Variants in FHIP1A observed in about 807,000 individuals in gnomAD.
FHIP1A encodes the protein FHF complex subunit HOOK-interacting protein 1A.
Under a neutral mutation model 88.6 loss-of-function variants are expected in FHIP1A, and 61 were observed. The ratio of observed to expected loss-of-function variants is 0.69; its 90% CI spans 0.56 to 0.85. The LOEUF (loss-of-function observed/expected upper bound fraction) is 0.85. Among genes scored for constraint, FHIP1A ranks in the 40% least tolerant of loss-of-function variants. FHIP1A has a pLI of 0.00. For missense variants in FHIP1A, 1,154 were observed against 1,273.5 expected, an observed-to-expected ratio of 0.91 and a Z score of 1.43; for synonymous variants, 478 against 496.0, an observed-to-expected ratio of 0.96 and a Z score of 0.48.
At chr4:151,412,894 G>T (rs1057330299) in intron 1 of FHIP1A, among the ~76,000 whole-genome samples, 20 of 151,698 alleles carry the variant, frequency 1.3e-4, no homozygotes, top group African/African-American at 4.6e-4. Flanking sequence ...ATGTTGGTCA[G>T]GCTGGTCTCG....
intron 3 of FHIP1A, among the ~76,000 whole-genome samples, chr4:151,494,597 G>T (rs1730394771): frequency 6.6e-6 from 1 of 152,078 alleles, no homozygotes; most frequent in Non-Finnish European, 1.5e-5. Flanking sequence ...TTTAAAGTCT[G>T]GTAACATGAT....
At chr4:151,455,259 A>G (rs1218047756) in intron 2 of FHIP1A, among the ~76,000 whole-genome samples, 1 of 152,242 alleles carries the variant, frequency 6.6e-6, no homozygotes, top group Non-Finnish European at 1.5e-5. Flanking sequence ...GCCAAAGAAT[A>G]TAAAGATGTT....
At chr4:151,410,496 A>G (rs191954443) in intron 1 of FHIP1A, among the ~76,000 whole-genome samples, 39 of 152,362 alleles carry the variant, frequency 2.6e-4, no homozygotes, top group African/African-American at 9.1e-4. Context: ...ATGAAATTAT[A>G]TAGGTCATTG....
At chr4:151,570,608 C>T (rs934994909) in intron 4 of FHIP1A, among the ~76,000 whole-genome samples, 7 of 152,106 alleles carry the variant, frequency 4.6e-5, no homozygotes, top group Admixed American at 1.3e-4. Flanking sequence ...TGTGCCACTG[C>T]GTGTAGCCCA....
At chr4:151,458,344 AG>A (rs1729036589) in intron 2 of FHIP1A, among the ~76,000 whole-genome samples, 1 of 152,208 alleles carries the variant, frequency 6.6e-6, no homozygotes, top group Admixed American at 6.5e-5. Flanking sequence ...GCCTGGAAAA[AG>A]GGGCAGTGTT....
intron 9 of FHIP1A, among the ~76,000 whole-genome samples, chr4:151,644,271 CA>C (rs138800017): frequency 0.033 from 5,033 of 151,958 alleles, 273 homozygotes; most frequent in African/African-American, 0.11. Context: ...ACCTTGGGCC[CA>C]ACCCCCAAAC....
intron 1 of FHIP1A, among the ~76,000 whole-genome samples, chr4:151,443,550 A>G (rs1440164424): frequency 2.0e-5 from 3 of 151,698 alleles, no homozygotes; most frequent in African/African-American, 7.3e-5. Flanking sequence ...TTGGTTCCCT[A>G]TTCATAATAA....
chr4:151,493,836 A>C (rs1730368836), intron 3 of FHIP1A, among the ~76,000 whole-genome samples: 1 of 152,218 alleles, frequency 6.6e-6, no homozygotes, highest in African/African-American at 2.4e-5. Context: ...AGGTAATAAA[A>C]GCTGTCTATA....
At chr4:151,553,665 T>G (rs564164247) in intron 3 of FHIP1A, among the ~76,000 whole-genome samples, 10 of 152,322 alleles carry the variant, frequency 6.6e-5, no homozygotes, top group African/African-American at 2.4e-4. Flanking sequence ...TCTAGACTGT[T>G]TGAGTGATAC....
rs1393136047 is a variant in FHIP1A at position 151,670,475 on chromosome 4, TTTA to T, written c.*7724_*7726del. 6.6e-6 allele frequency: 1 copy of T among 152,220 alleles called. No individual in the cohort carries two copies. The highest frequency in any genetic ancestry group is 2.4e-5 in the African/African-American group (1 of 41,450). The allele number at this position is 152,220 out of a possible 1,614,324, so 9.4% of individuals were successfully genotyped here. On this transcript the variant is annotated 3_prime_UTR_variant, in exon 14 of 14. Transcript: ENST00000435205. ...TTTTATGTGATATTTCAGTATATAT[TTTA>T]TTGATTAAATTTATTGGAAAACTTA...
intron 3 of FHIP1A, among the ~76,000 whole-genome samples, chr4:151,517,851 TAAAG>T (rs1014447622): frequency 3.9e-5 from 6 of 152,026 alleles, no homozygotes; most frequent in Non-Finnish European, 8.8e-5. Context: ...AGGATATAAA[TAAAG>T]AAAATATTTT....
chr4:151,593,056 G>A lies in FHIP1A; in HGVS notation c.978+4130G>A, dbSNP rs184682093. On this transcript the variant is annotated intron_variant, in intron 7 of 13. Transcript: ENST00000435205. ...ATTGCTTGTTTTAGTTAGGTTTGTC[G>A]AAGATTAGGTGGTTGTAGATGTGTA... Among the ~76,000 whole-genome samples the A allele has an allele frequency of 3.0e-3, 452 of 152,182 alleles. 1 individual carries two copies. Among genetic ancestry groups the A allele is most frequent in the African/African-American group, 8.9e-3 (370 of 41,528 alleles).
At chr4:151,587,513 C>T (rs922127508) in intron 6 of FHIP1A, among the ~76,000 whole-genome samples, 4 of 132,992 alleles carry the variant, frequency 3.0e-5, no homozygotes, top group Admixed American at 7.6e-5. Flanking sequence ...TTTTTTTTCT[C>T]GGCCTTTTTT....
rs1178179331 is a variant in FHIP1A at position 151,669,577 on chromosome 4, C to A, written c.*6823C>A. ...GATCCTGTCAGACTCCAGTCTCAGA[C>A]CACCTTTGCCCATTTGTAATTCAGA... is the stretch of plus-strand genomic sequence containing the variant. On this transcript the variant is annotated 3_prime_UTR_variant, in exon 14 of 14. Coordinates refer to ENST00000435205, the MANE Select transcript of FHIP1A (RefSeq NM_001109977.3). Among the ~76,000 whole-genome samples the A allele has an allele frequency of 6.6e-6, 1 of 152,200 alleles. No homozygotes were observed. The highest frequency in any genetic ancestry group is 1.5e-5 in the Non-Finnish European group (1 of 68,038).
At chr4:151,437,261 T>C (rs947457283) in intron 1 of FHIP1A, among the ~76,000 whole-genome samples, 4 of 152,118 alleles carry the variant, frequency 2.6e-5, no homozygotes, top group African/African-American at 9.7e-5. Flanking sequence ...GTATATAGTA[T>C]GCCAGTGAAG....
intron 8 of FHIP1A, among the ~76,000 whole-genome samples, chr4:151,634,874 T>C (rs915277567): frequency 2.6e-5 from 4 of 151,670 alleles, no homozygotes; most frequent in African/African-American, 9.6e-5. Context: ...ACCAGAAGCG[T>C]AGGGAAAAAT....
At chr4:151,426,767 A>G (rs1733390745) in intron 1 of FHIP1A, among the ~76,000 whole-genome samples, 1 of 152,178 alleles carries the variant, frequency 6.6e-6, no homozygotes, top group Non-Finnish European at 1.5e-5. Context: ...GGCTGGTGGT[A>G]ATATTTTCCT....
chr4:151,477,992 C>T (rs1026290565), intron 2 of FHIP1A, among the ~76,000 whole-genome samples: 3 of 152,072 alleles, frequency 2.0e-5, no homozygotes, highest in Non-Finnish European at 1.5e-5. Context: ...AACATTCATA[C>T]GCACTATGAA....
intron 4 of FHIP1A, among the ~76,000 whole-genome samples, chr4:151,574,760 A>G (rs920739400): frequency 1.3e-5 from 2 of 152,172 alleles, no homozygotes; most frequent in African/African-American, 4.8e-5. Flanking sequence ...ACTCAATCAT[A>G]TATCTACTTG....
Sources: gnomAD v4.1 joint callset for allele counts (sites outside exome capture counted in the v4.1 genomes callset) on GRCh38, gnomAD v4.1.1 for gene constraint, MANE v1.5 for transcripts, NCBI Gene and HGNC (gene_info 2026-07-23, HGNC 2026-07-21) for gene names.